Variants in HYDIN observed in about 807,000 individuals in gnomAD.
The protein encoded by HYDIN is HYDIN axonemal central pair apparatus protein.
Under a neutral mutation model 403.9 loss-of-function variants are expected in HYDIN, and 132 were observed. The ratio of observed to expected loss-of-function variants is 0.33; its 90% CI spans 0.28 to 0.38. The LOEUF (loss-of-function observed/expected upper bound fraction) is 0.38, where lower values mean the gene tolerates loss of function less well. HYDIN is among the 10% of genes least tolerant of loss of function. The pLI is 1.00. For synonymous variants in HYDIN, 1,202 were observed against 1,891.7 expected (o/e 0.64, Z 9.46); for missense variants, 2,827 against 5,009.5 (o/e 0.56, Z 13.15).
intron 58 of HYDIN, among the ~76,000 whole-genome samples, chr16:70,888,218 T>C (rs568090704): frequency 3.4e-4 from 52 of 152,352 alleles, no homozygotes; most frequent in African/African-American, 1.1e-3. Context: ...ATCTAGCATT[T>C]ATCTATTTTC....
chr16:70,843,511 G>A (rs74451964), intron 75 of HYDIN, among the ~76,000 whole-genome samples: 126 of 139,630 alleles, frequency 9.0e-4, no homozygotes, highest in South Asian at 1.3e-3. Context: ...ATACGTGTGC[G>A]TGTGTCTTTA....
At chr16:70,833,091 G>A (rs1373109700) in intron 79 of HYDIN, 24 bp from the exon 80 acceptor site, 2 of 1,592,968 alleles carry the variant, frequency 1.3e-6, no homozygotes, top group South Asian at 2.3e-5. Context: ...AAGAAGAAAA[G>A]AAAGAGAGTT....
In HYDIN at chr16:70,806,475, C is replaced by T. The variant is rs550717668; in HGVS notation, c.*1105G>A. On this transcript the variant is annotated 3_prime_UTR_variant, in exon 86 of 86. Coordinates refer to ENST00000393567, the MANE Select transcript of HYDIN (RefSeq NM_001270974.2). ...GTATAAGGACTTGCTAAAAGATTGC[C>T]GGGCCACACCTACAGACTTTTTGAT... Among the ~76,000 whole-genome samples the T allele has an allele frequency of 1.1e-4, 16 of 152,272 alleles. No homozygotes were observed. Among genetic ancestry groups the T allele is most frequent in the Middle Eastern group, 3.4e-3 (1 of 294 alleles).
chr16:71,015,921 G>A (rs2080243195), intron 23 of HYDIN, among the ~76,000 whole-genome samples: 1 of 151,470 alleles, frequency 6.6e-6, no homozygotes, highest in African/African-American at 2.4e-5. Flanking sequence ...TGCAGCAATC[G>A]CTGCCTCCCA....
At chr16:71,188,530 T>C (rs1452460845) in intron 1 of HYDIN, among the ~76,000 whole-genome samples, 2 of 152,204 alleles carry the variant, frequency 1.3e-5, no homozygotes, top group African/African-American at 4.8e-5. Flanking sequence ...CAAAGAAGAA[T>C]ATTTTAGAGT....
At chr16:70,953,415 G>A (rs567523180) in intron 40 of HYDIN, among the ~76,000 whole-genome samples, 495 of 152,166 alleles carry the variant, frequency 3.3e-3, no homozygotes, top group African/African-American at 0.012. Context: ...GATTAGGCCA[G>A]CAGGAAGGCT....
chr16:70,989,696 T>A (rs1206401822), intron 25 of HYDIN, among the ~76,000 whole-genome samples: 1 of 152,184 alleles, frequency 6.6e-6, no homozygotes, highest in African/African-American at 2.4e-5. Context: ...AAAGGATATA[T>A]GGTAAAAAGA....
intron 83 of HYDIN, among the ~76,000 whole-genome samples, chr16:70,822,070 G>C (rs555626425): frequency 3.9e-5 from 6 of 152,236 alleles, no homozygotes; most frequent in African/African-American, 1.4e-4. Context: ...TGACTTTCAA[G>C]TCTTGTTATT....
intron 73 of HYDIN, among the ~76,000 whole-genome samples, chr16:70,853,479 T>C (rs975268061): frequency 6.7e-6 from 1 of 148,580 alleles, no homozygotes; most frequent in Non-Finnish European, 1.5e-5. Context: ...AGTGGGTGAA[T>C]AGTTCAACTA....
chr16:71,033,246 G>A (rs2144165243), intron 18 of HYDIN, among the ~76,000 whole-genome samples: 1 of 152,268 alleles, frequency 6.6e-6, no homozygotes, highest in East Asian at 1.9e-4. Flanking sequence ...CAAGAGCAAA[G>A]GATGTTGAAA....
intron 1 of HYDIN, among the ~76,000 whole-genome samples, chr16:71,216,350 T>C (rs2088880852): frequency 6.6e-6 from 1 of 152,144 alleles, no homozygotes; most frequent in Non-Finnish European, 1.5e-5. Context: ...AAAAGCAACA[T>C]GAAACATGAA....
Position 70,834,219 on chromosome 16 carries a change from T to A in HYDIN, c.13402-55A>T, listed in dbSNP as rs377083501. 2.2e-5 allele frequency: 30 copies of A among 1,361,224 alleles called. 1 individual carries two copies. Among genetic ancestry groups the A allele is most frequent in the East Asian group, 2.1e-4 (9 of 43,858 alleles). 84.3% of individuals were successfully genotyped at this position (1,361,224 alleles called of 1,614,324 possible). A position where few individuals can be genotyped will look rare whatever the true frequency, so the allele number is the denominator to read the frequency against. On this transcript the variant is annotated intron_variant, in intron 78 of 85. Coordinates refer to ENST00000393567, the MANE Select transcript of HYDIN (RefSeq NM_001270974.2). ...CTGAGGGTGGGAGGCCCCTAAGGCC[T>A]CGGTTCCCGGAGTTCTTGCTGCTGC...
At chr16:70,902,821 A>ATATATATATTTT in intron 52 of HYDIN, among the ~76,000 whole-genome samples, 9 of 47,308 alleles carry the variant, frequency 1.9e-4, no homozygotes, top group African/African-American at 9.3e-4. Context: ...ATATATATAT[A>ATATATATATTTT]TTTTTTTTTT....
chr16:70,950,206 CAT>C (rs1004835692), intron 41 of HYDIN, among the ~76,000 whole-genome samples: 28 of 150,356 alleles, frequency 1.9e-4, no homozygotes, highest in African/African-American at 6.9e-4. Flanking sequence ...CCTGATCTAA[CAT>C]GTGGGCCTCC....
At chr16:70,852,695 T>C (rs891236601) in intron 73 of HYDIN, 6 of 151,948 alleles carry the variant, frequency 3.9e-5, no homozygotes, top group African/African-American at 1.5e-4. Flanking sequence ...AACAAGCACA[T>C]ATGTGTTGTA....
At chr16:70,891,072 T>C (rs2041435514) in intron 57 of HYDIN, among the ~76,000 whole-genome samples, 1 of 151,998 alleles carries the variant, frequency 6.6e-6, no homozygotes, top group African/African-American at 2.4e-5. Flanking sequence ...ACTGTGTTTG[T>C]TCAACTAAAA....
At chr16:70,942,907 C>T (rs1206288590) in intron 42 of HYDIN, among the ~76,000 whole-genome samples, 1 of 152,146 alleles carries the variant, frequency 6.6e-6, no homozygotes, top group Non-Finnish European at 1.5e-5. Context: ...AAAACATTGG[C>T]ACACTTATGG....
At chr16:71,061,504 A>G (rs977889322) in intron 17 of HYDIN, among the ~76,000 whole-genome samples, 3 of 152,262 alleles carry the variant, frequency 2.0e-5, no homozygotes, top group African/African-American at 7.2e-5. Context: ...TTTATCCTTC[A>G]ACTCAGCCTA....
chr16:71,180,651 A>C (rs1021742615), intron 3 of HYDIN, among the ~76,000 whole-genome samples: 12 of 152,100 alleles, frequency 7.9e-5, no homozygotes, highest in Admixed American at 2.0e-4. Context: ...TTGCAAACTG[A>C]AACTGAAACT....
Sources: allele counts gnomAD v4.1 joint callset (sites outside exome capture counted in the v4.1 genomes callset), GRCh38; gene constraint gnomAD v4.1.1; transcripts MANE v1.5; gene names NCBI Gene and HGNC (gene_info 2026-07-23, HGNC 2026-07-21).